The following GPC5 variants were observed in gnomAD, a reference collection of about 807,000 sequenced individuals.
The protein encoded by GPC5 is glypican-5.
A neutral mutation model predicts 53.9 loss-of-function variants in GPC5; 47 were observed. That is an observed-to-expected ratio of 0.87 (90% CI 0.69 to 1.11). The LOEUF is 1.11. Among genes scored for constraint, GPC5 ranks in the 50% most tolerant of loss-of-function variants. The pLI, the probability that GPC5 is intolerant of heterozygous loss-of-function variation, is 0.00. For synonymous variants in GPC5, 286 were observed against 263.3 expected (o/e 1.09, Z -0.84); for missense variants, 748 against 713.1 (o/e 1.05, Z -0.56).
chr13:91,768,982 G>A (rs2037573614), intron 5 of GPC5, among the ~76,000 whole-genome samples: 1 of 152,158 alleles, frequency 6.6e-6, no homozygotes, highest in African/African-American at 2.4e-5. Context: ...ATTAGTCATT[G>A]CTGTCCAGAA....
intron 7 of GPC5, among the ~76,000 whole-genome samples, chr13:92,603,487 A>G (rs574153700): frequency 2.0e-5 from 3 of 152,318 alleles, no homozygotes; most frequent in East Asian, 1.9e-4. Flanking sequence ...AAAAATTCTG[A>G]TAAGAACATT....
At chr13:92,023,544 C>T (rs940493439) in intron 6 of GPC5, among the ~76,000 whole-genome samples, 2 of 151,648 alleles carry the variant, frequency 1.3e-5, no homozygotes, top group Non-Finnish European at 2.9e-5. Context: ...ATGAGAAGTA[C>T]TTACATTTTA....
At chr13:92,314,874 A>T in intron 7 of GPC5, among the ~76,000 whole-genome samples, 1 of 152,164 alleles carries the variant, frequency 6.6e-6, no homozygotes, top group African/African-American at 2.4e-5. Context: ...CCCCATGCTC[A>T]AGCGATTCTC....
At chr13:91,976,558 A>G (rs746598836) in intron 6 of GPC5, among the ~76,000 whole-genome samples, 2 of 152,166 alleles carry the variant, frequency 1.3e-5, no homozygotes, top group Non-Finnish European at 2.9e-5. Context: ...TTAGAGAGGG[A>G]TAAGGAAGAG....
intron 6 of GPC5, among the ~76,000 whole-genome samples, chr13:92,008,548 C>A (rs1177340898): frequency 6.6e-6 from 1 of 151,728 alleles, no homozygotes; most frequent in African/African-American, 2.4e-5. Flanking sequence ...GCAAAATTAT[C>A]TTTTTAAAAA....
chr13:92,153,713 T>C (rs191064505), intron 7 of GPC5, among the ~76,000 whole-genome samples: 1 of 152,344 alleles, frequency 6.6e-6, no homozygotes, highest in African/African-American at 2.4e-5. Context: ...ATTGTACCAA[T>C]TCATATTCTC....
At chr13:91,413,703 ACT>A (rs1877980113) in intron 1 of GPC5, among the ~76,000 whole-genome samples, 1 of 151,862 alleles carries the variant, frequency 6.6e-6, no homozygotes. Context: ...AACAATAGTC[ACT>A]CTCACTGTTC....
intron 7 of GPC5, among the ~76,000 whole-genome samples, chr13:92,839,248 A>C (rs1039590191): frequency 6.6e-6 from 1 of 152,240 alleles, no homozygotes; most frequent in African/African-American, 2.4e-5. Context: ...TCCTGAAATC[A>C]AAATCCTTCT....
chr13:92,503,141 G>T (rs9523691), intron 7 of GPC5, among the ~76,000 whole-genome samples: 86,712 of 151,576 alleles, frequency 0.57, 25,465 homozygotes, highest in East Asian at 0.75. Flanking sequence ...ATGGATATAT[G>T]GTATAGTGAT....
At chr13:92,112,004 G>C (rs1159270128) in intron 6 of GPC5, among the ~76,000 whole-genome samples, 1 of 152,116 alleles carries the variant, frequency 6.6e-6, no homozygotes. Context: ...GAAACAATGA[G>C]ACTAAAAGCT....
intron 6 of GPC5, among the ~76,000 whole-genome samples, chr13:92,008,253 G>A (rs1210765799): frequency 2.0e-5 from 3 of 151,914 alleles, no homozygotes; most frequent in Admixed American, 2.0e-4. Flanking sequence ...TAGTAGAGAC[G>A]GGGTTTCACC....
rs188681535 is a variant in GPC5 at position 91,969,002 on chromosome 13, T to G, written c.1401+60945T>G. 4.6e-5 allele frequency among the ~76,000 whole-genome samples: 7 copies of G among 152,208 alleles called. No individual in the cohort carries two copies. In the East Asian group the frequency reaches 1.4e-3, roughly 29 times the overall value. The stretch of plus-strand genomic sequence containing the variant: ...TTTTCTTTTGAGATGGAGTCTCCAC[T>G]CTGTCAACCAGGCTGGATTGCAGTG... On this transcript the variant is annotated intron_variant, in intron 6 of 7. Coordinates refer to ENST00000377067, the MANE Select transcript of GPC5 (RefSeq NM_004466.6).
chr13:91,582,007 G>A (rs924755187), intron 2 of GPC5, among the ~76,000 whole-genome samples: 4 of 152,126 alleles, frequency 2.6e-5, no homozygotes, highest in Non-Finnish European at 5.9e-5. Context: ...ATTAGGCTTA[G>A]GGAGGCTTTC....
At chr13:92,083,283 T>C (rs1215040387) in intron 6 of GPC5, among the ~76,000 whole-genome samples, 2 of 152,292 alleles carry the variant, frequency 1.3e-5, no homozygotes, top group East Asian at 1.9e-4. Flanking sequence ...GCAGTGACAT[T>C]CTCTTTCATA....
chr13:91,475,626 C>T (rs1882882284), intron 2 of GPC5, among the ~76,000 whole-genome samples: 1 of 152,162 alleles, frequency 6.6e-6, no homozygotes, highest in Admixed American at 6.5e-5. Context: ...ACAACTGCTC[C>T]AGGGCCTGGC....
At chr13:92,412,342 A>G (rs1418997142) in intron 7 of GPC5, among the ~76,000 whole-genome samples, 1 of 152,150 alleles carries the variant, frequency 6.6e-6, no homozygotes, top group Non-Finnish European at 1.5e-5. Context: ...AGACAACCCT[A>G]TGCCTGAGGA....
chr13:92,519,657 A>C (rs1402109550), intron 7 of GPC5, among the ~76,000 whole-genome samples: 2 of 152,218 alleles, frequency 1.3e-5, no homozygotes, highest in African/African-American at 4.8e-5. Flanking sequence ...ATAGCACTAA[A>C]TGCCCACAAG....
chr13:91,629,472 G>A lies in GPC5; in HGVS notation c.326-63715G>A, dbSNP rs117135361. Among the ~76,000 whole-genome samples the A allele has an allele frequency of 5.8e-4, 88 of 152,104 alleles. 1 individual carries two copies. In the East Asian group the frequency reaches 0.015, roughly 26 times the overall value. On this transcript the variant is annotated intron_variant, in intron 2 of 7. Transcript: ENST00000377067. ...AGCTTGGCCAAAATGGTGAAACTCC[G>A]CCTCTACTAAGAGTACAAAAATTTG...
intron 7 of GPC5, among the ~76,000 whole-genome samples, chr13:92,503,151 T>C (rs917408558): frequency 2.0e-4 from 31 of 152,022 alleles, no homozygotes; most frequent in African/African-American, 6.7e-4. Context: ...GGTATAGTGA[T>C]GAAGTCTTGG....
Sources: allele counts gnomAD v4.1 joint callset (sites outside exome capture counted in the v4.1 genomes callset), GRCh38; gene constraint gnomAD v4.1.1; transcripts MANE v1.5; gene names NCBI Gene and HGNC (gene_info 2026-07-23, HGNC 2026-07-21).